GON4L: variants seen among roughly 807,000 people sequenced by gnomAD.
The protein encoded by GON4L is gon-4 like.
In GON4L, 87 loss-of-function variants were observed where a neutral mutation model predicts 211.8. That is an observed-to-expected ratio of 0.41 (90% CI 0.35 to 0.49). The LOEUF is 0.49. Ranked by LOEUF, GON4L falls within the 20% of genes least tolerant of loss-of-function variation. The pLI, the probability that GON4L is intolerant of heterozygous loss-of-function variation, is 0.15. For missense variants in GON4L, 2,155 were observed against 2,659.5 expected (o/e 0.81, Z 4.17); for synonymous variants, 875 against 962.6 (o/e 0.91, Z 1.68).
chr1:155,831,772 C>T (rs1669798425), intron 2 of GON4L, among the ~76,000 whole-genome samples: 1 of 151,792 alleles, frequency 6.6e-6, no homozygotes, highest in South Asian at 2.1e-4. Flanking sequence ...TGGCTCCTGC[C>T]TATAGTGCCA....
At chr1:155,747,858 A>G (rs2101575093), downstream of GON4L, 2 of 1,593,642 alleles carry the variant, frequency 1.3e-6, no homozygotes, top group Non-Finnish European at 8.6e-7. Context: ...GCGGGGAATA[A>G]TAACTTGGGG....
chr1:155,824,835 C>CA (rs1309567458), intron 3 of GON4L, among the ~76,000 whole-genome samples: 2 of 141,306 alleles, frequency 1.4e-5, no homozygotes, highest in Non-Finnish European at 3.1e-5. Flanking sequence ...AAAGAAAAAA[C>CA]AAAGAGTTGA....
chr1:155,776,779 C>T (rs1476757304), intron 15 of GON4L, among the ~76,000 whole-genome samples: 1 of 152,088 alleles, frequency 6.6e-6, no homozygotes, highest in Non-Finnish European at 1.5e-5. Context: ...TCTCGAACTC[C>T]CTGGCTCAAG....
chr1:155,785,318 G>T lies in GON4L; in HGVS notation c.1788+16C>A. On this transcript the variant is annotated intron_variant, in intron 13 of 31. Coordinates refer to ENST00000368331, the MANE Select transcript of GON4L (RefSeq NM_001282860.2). ...GACTTAAAATCCCGTGTTCTCACTC[G>T]AGGATCATTACTCACAGTTTCAAAC... is the stretch of plus-strand genomic sequence containing the variant. The T allele has an allele frequency of 6.5e-7, 1 of 1,533,200 alleles. No homozygotes were observed. The highest frequency in any genetic ancestry group is 9.0e-7 in the Non-Finnish European group (1 of 1,106,082). 95.0% of individuals were successfully genotyped at this position (1,533,200 alleles called of 1,614,324 possible). A position where few individuals can be genotyped will look rare whatever the true frequency, so the allele number is the denominator to read the frequency against.
intron 28 of GON4L, 47 bp from the exon 29 acceptor site, chr1:155,753,461 C>G: frequency 6.9e-7 from 1 of 1,442,978 alleles, no homozygotes; most frequent in South Asian, 1.2e-5. Context: ...CTGCCTATGT[C>G]TTTGGTTGGG....
At chr1:155,767,867 T>C (rs932834736) in intron 19 of GON4L, among the ~76,000 whole-genome samples, 6 of 152,214 alleles carry the variant, frequency 3.9e-5, no homozygotes, top group African/African-American at 7.2e-5. Flanking sequence ...AGCAATCTTA[T>C]GTAAGATTTG....
At chr1:155,757,644 TC>T (rs1661337566) in intron 25 of GON4L, among the ~76,000 whole-genome samples, 1 of 138,200 alleles carries the variant, frequency 7.2e-6, no homozygotes, top group Non-Finnish European at 1.6e-5. Flanking sequence ...GAACATCCCT[TC>T]CAGCACATCC....
chr1:155,852,753 G>A (rs1191393401), intron 2 of GON4L, among the ~76,000 whole-genome samples: 1 of 151,878 alleles, frequency 6.6e-6, no homozygotes, highest in East Asian at 1.9e-4. Context: ...AAAAAAGAAA[G>A]AAGAAAGGGG....
chr1:155,813,536 A>G (rs1407228826), intron 10 of GON4L, 98 bp downstream of exon 10: 10 of 885,220 alleles, frequency 1.1e-5, no homozygotes, highest in Admixed American at 5.6e-5. Flanking sequence ...TCTTACTTAT[A>G]TAAAATTGTA....
chr1:155,835,796 G>A (rs978427026), intron 2 of GON4L, among the ~76,000 whole-genome samples: 4 of 152,188 alleles, frequency 2.6e-5, no homozygotes, highest in African/African-American at 9.7e-5. Context: ...TCAATTCACT[G>A]TTGGCCCATT....
intron 10 of GON4L, among the ~76,000 whole-genome samples, chr1:155,809,195 A>G (rs1236208829): frequency 6.6e-6 from 1 of 152,224 alleles, no homozygotes; most frequent in South Asian, 2.1e-4. Context: ...ATTACAGCCA[A>G]GGAGGTCTTT....
chr1:155,807,354 A>G (rs1168841841), intron 10 of GON4L, among the ~76,000 whole-genome samples: 1 of 152,090 alleles, frequency 6.6e-6, no homozygotes, highest in Non-Finnish European at 1.5e-5. Flanking sequence ...GCAAGCTGAG[A>G]TCATACCACT....
chr1:155,784,124 A>C (rs1233283273), intron 13 of GON4L, 35 bp from the exon 14 acceptor site: 1 of 1,610,894 alleles, frequency 6.2e-7, no homozygotes, highest in Admixed American at 1.7e-5. Flanking sequence ...TTTCCTGGGG[A>C]ATGGGCCTCT....
chr1:155,777,846 A>T, intron 14 of GON4L, 26 bp from the exon 15 acceptor site: 1 of 1,450,044 alleles, frequency 6.9e-7, no homozygotes. Context: ...AGATGACTGA[A>T]TTTGAGTGTT....
intron 12 of GON4L, among the ~76,000 whole-genome samples, chr1:155,792,309 A>G (rs1665675990): frequency 1.3e-5 from 2 of 152,174 alleles, no homozygotes; most frequent in Admixed American, 6.6e-5. Flanking sequence ...AAATATGACA[A>G]TGAGACACAA....
intron 28 of GON4L, 71 bp from the exon 29 acceptor site, chr1:155,753,485 A>G: frequency 8.8e-7 from 1 of 1,136,156 alleles, no homozygotes; most frequent in Non-Finnish European, 1.3e-6. Flanking sequence ...CACCAAAGGA[A>G]GAAGCCCTGC....
At chr1:155,773,330 C>A in intron 17 of GON4L, 120 bp from the exon 18 acceptor site, 1 of 1,101,140 alleles carries the variant, frequency 9.1e-7, no homozygotes, top group Non-Finnish European at 1.3e-6. Context: ...GATTCCCTCC[C>A]ATCTGCCCAC....
intron 11 of GON4L, among the ~76,000 whole-genome samples, chr1:155,796,329 G>A (rs778863518): frequency 1.3e-5 from 2 of 150,326 alleles, no homozygotes; most frequent in Non-Finnish European, 3.0e-5. Flanking sequence ...CCAGGTTGGA[G>A]TGCAGTGGCA....
intron 12 of GON4L, among the ~76,000 whole-genome samples, chr1:155,793,378 G>T (rs953840605): frequency 2.6e-5 from 4 of 152,106 alleles, no homozygotes; most frequent in African/African-American, 9.7e-5. Flanking sequence ...TTTACACAAA[G>T]AACTGCATTA....
Sources: gnomAD v4.1 joint callset for allele counts (sites outside exome capture counted in the v4.1 genomes callset) on GRCh38, gnomAD v4.1.1 for gene constraint, MANE v1.5 for transcripts, NCBI Gene and HGNC (gene_info 2026-07-23, HGNC 2026-07-21) for gene names.